Variants in AADAC observed in about 807,000 individuals in gnomAD.
AADAC encodes the protein arylacetamide deacetylase (esterase).
Under a neutral mutation model 22.7 loss-of-function variants are expected in AADAC, and 17 were observed. That is an observed-to-expected ratio of 0.75 (90% CI 0.51 to 1.12). AADAC has a LOEUF of 1.12. Ranked by LOEUF, AADAC falls within the 50% of genes most tolerant of loss-of-function variation. The pLI is 0.00. For missense variants in AADAC, 465 were observed against 473.9 expected (o/e 0.98, Z 0.17); for synonymous variants, 167 against 176.3 (o/e 0.95, Z 0.42).
At chr3:151,818,254 A>G (rs1436041373) in intron 2 of AADAC, among the ~76,000 whole-genome samples, 26 of 143,224 alleles carry the variant, frequency 1.8e-4, no homozygotes, top group Non-Finnish European at 3.1e-4. Flanking sequence ...AAAAAAAAAA[A>G]AGAAAAAAAT....
chr3:151,821,201 A>G (rs1716241547), intron 3 of AADAC, among the ~76,000 whole-genome samples: 1 of 152,024 alleles, frequency 6.6e-6, no homozygotes, highest in Admixed American at 6.6e-5. Flanking sequence ...AGTCCAGCGT[A>G]TATAGCACTT....
intron 4 of AADAC, among the ~76,000 whole-genome samples, chr3:151,827,207 A>C (rs1716534708): frequency 6.6e-6 from 1 of 151,976 alleles, no homozygotes; most frequent in African/African-American, 2.4e-5. Flanking sequence ...CCACCATACC[A>C]GGCCTATTTT....
rs1716143450 is a variant in AADAC, at chr3:151,819,533, A to G, written c.362-850A>G. Among the ~76,000 whole-genome samples the G allele has an allele frequency of 3.9e-5, 6 of 152,196 alleles. 1 individual carries two copies. The South Asian group carries it at 1.2e-3, about 32-fold the overall frequency. On this transcript the variant is annotated intron_variant, in intron 2 of 4. Transcript: ENST00000232892. ...TGAAATAAATAAGCAAGAAAATTAT[A>G]GATTGAAATGAGAGTTAAGTAGGAG...
chr3:151,824,978 G>A (rs1048410110), intron 4 of AADAC, 144 bp downstream of exon 4: 45 of 598,058 alleles, frequency 7.5e-5, no homozygotes, highest in Non-Finnish European at 1.1e-4. Context: ...AGAGAATATT[G>A]AGAAGAAATG....
chr3:151,816,320 T>C (rs764973745), intron 1 of AADAC, among the ~76,000 whole-genome samples: 1 of 152,098 alleles, frequency 6.6e-6, no homozygotes, highest in African/African-American at 2.4e-5. Context: ...CTTTTCTTAT[T>C]TGGTTAGCAA....
chr3:151,828,205 A>G lies in AADAC; in HGVS notation c.*33A>G, dbSNP rs1001657367. ...TGTAGCTATAACATATTTTAAAAAT[A>G]AAATCTGAAAACCTCAGAAAATTTG... On this transcript the variant is annotated 3_prime_UTR_variant, in exon 5 of 5. Coordinates refer to ENST00000232892, the MANE Select transcript of AADAC (RefSeq NM_001086.3). 12 of 1,333,840 alleles carry G rather than the reference A, an allele frequency of 9.0e-6. No individual in the cohort carries two copies. The highest frequency in any genetic ancestry group is 1.1e-5 in the Non-Finnish European group (11 of 1,006,394). 82.6% of individuals were successfully genotyped at this position (1,333,840 alleles called of 1,614,324 possible).
chr3:151,815,443 C>T (rs1396204251), intron 1 of AADAC, among the ~76,000 whole-genome samples: 3 of 151,988 alleles, frequency 2.0e-5, no homozygotes, highest in Non-Finnish European at 4.4e-5. Context: ...GAAGCCATAT[C>T]ATACAGTGCT....
intron 3 of AADAC, 68 bp downstream of exon 3, chr3:151,820,520 T>TC (rs1716201985): frequency 2.0e-6 from 2 of 993,994 alleles, no homozygotes; most frequent in East Asian, 6.4e-5. Flanking sequence ...AGCTTTCTTT[T>TC]TTTTTTTTTT....
chr3:151,828,335 T>TGGCC lies in AADAC; in HGVS notation c.*163_*164insGGCC. The TGGCC allele has an allele frequency of 2.4e-6, 1 of 417,270 alleles. No homozygotes were observed. The highest frequency in any genetic ancestry group is 4.1e-5 in the Admixed American group (1 of 24,204). 25.8% of individuals were successfully genotyped at this position (417,270 alleles called of 1,614,324 possible). On this transcript the variant is annotated 3_prime_UTR_variant, in exon 5 of 5. Coordinates refer to ENST00000232892, the MANE Select transcript of AADAC (RefSeq NM_001086.3). ...TTTTTTTTCTTACTGTGGGATTTCA[T>TGGCC]TTCAATTTTCTACATTGTCTATCTG...
At position 151,827,497 on chromosome 3, in the gene AADAC, T is replaced by C. The variant is rs554066753; in HGVS notation, c.604-79T>C. On this transcript the variant is annotated intron_variant, in intron 4 of 4. Transcript: ENST00000232892. ...GATAGATAGATAAAAACAAGATAGATAGACAGATAGATAATCTTATTAGGG... is the reference window on the plus strand; with the variant it reads ...GATAGATAGATAAAAACAAGATAGACAGACAGATAGATAATCTTATTAGGG... The C allele has an allele frequency of 1.9e-5, 17 of 896,338 alleles. No homozygotes were observed. The East Asian group carries it at 2.5e-4, about 13-fold the overall frequency. The allele number at this position is 896,338 out of a possible 1,614,324, so 55.5% of individuals were successfully genotyped here. A position where few individuals can be genotyped will look rare whatever the true frequency, so the allele number is the denominator to read the frequency against.
At chr3:151,822,100 G>A in intron 3 of AADAC, among the ~76,000 whole-genome samples, 1 of 151,820 alleles carries the variant, frequency 6.6e-6, no homozygotes, top group Non-Finnish European at 1.5e-5. Context: ...AGTCATTAGA[G>A]AAATGCAAAT....
At chr3:151,820,252 G>A in intron 2 of AADAC, 131 bp from the exon 3 acceptor site, 1 of 508,310 alleles carries the variant, frequency 2.0e-6, no homozygotes, top group Non-Finnish European at 3.4e-6. Context: ...TGTTAAATTT[G>A]TCTCTCGTAT....
intron 2 of AADAC, among the ~76,000 whole-genome samples, chr3:151,819,357 T>C (rs1716136470): frequency 6.6e-6 from 1 of 152,004 alleles, no homozygotes; most frequent in South Asian, 2.1e-4. Flanking sequence ...GTATGTCTCT[T>C]GGATGTTGAA....
At chr3:151,824,952 T>C in intron 4 of AADAC, 118 bp downstream of exon 4, 8 of 659,358 alleles carry the variant, frequency 1.2e-5, no homozygotes, top group Middle Eastern at 2.8e-4. Context: ...AGATATTGAT[T>C]TTTTGAAACT....
In AADAC at chr3:151,827,726, G is replaced by T. The variant is rs144460478; in HGVS notation, c.754G>T (p.Glu252Ter). Residue 252 changes from glutamate to a stop codon, truncating the protein, a stop_gained, in exon 5 of 5, where the codon GAA (glutamate) becomes TAA (stop). Transcript: ENST00000232892. LOFTEE classifies it low-confidence loss of function (END_TRUNC). ...SKSLMVRFWS[E>*]YFTTDRSLEK... is the part of the protein sequence containing the mutation. ...ATCACTCATGGTCAGATTCTGGAGTGAATATTTTACCACTGATAGATCACT... is the reference window on the plus strand; with the variant it reads ...ATCACTCATGGTCAGATTCTGGAGTTAATATTTTACCACTGATAGATCACT... 6.2e-7 allele frequency: 1 copy of T among 1,613,092 alleles called. No homozygotes were observed. The highest frequency in any genetic ancestry group is 1.7e-5 in the Admixed American group (1 of 59,874).
At chr3:151,815,921 T>C (rs183088823) in intron 1 of AADAC, among the ~76,000 whole-genome samples, 18 of 152,128 alleles carry the variant, frequency 1.2e-4, no homozygotes, top group Admixed American at 2.6e-4. Flanking sequence ...AAGGATTATG[T>C]TATGAACATT....
At position 151,815,662 on chromosome 3, in the gene AADAC, A is replaced by C. The variant is rs537218381; in HGVS notation, c.138+1362A>C. Among the ~76,000 whole-genome samples the C allele has an allele frequency of 5.3e-5, 8 of 151,904 alleles. 1 individual carries two copies. The South Asian group carries it at 1.7e-3, about 32-fold the overall frequency. On this transcript the variant is annotated intron_variant, in intron 1 of 4. Transcript: ENST00000232892. ...TATATTCTTCTCTGGTAGCCTTTTA[A>C]TTAATTAATTCATTCATTTACTTAC...
chr3:151,825,217 A>G (rs558583328), intron 4 of AADAC, among the ~76,000 whole-genome samples: 6 of 151,656 alleles, frequency 4.0e-5, no homozygotes, highest in South Asian at 2.1e-4. Flanking sequence ...ACAAAAAAAA[A>G]AAAAGAAAAA....
Position 151,817,485 on chromosome 3 carries a change from C to T in AADAC, c.258C>T (p.Phe86=), listed in dbSNP as rs370635119. ...ATGTCACTGTGACTGAGACAAAATT[C>T]AACAACATTCTTGTTCGGGTATATG... ...DENVTVTETK[F]NNILVRVYVP... Residue 86 remains phenylalanine, a synonymous_variant, in exon 2 of 5, where the codon TTC becomes TTT. Transcript: ENST00000232892. 2.6e-5 allele frequency: 42 copies of T among 1,613,666 alleles called. No individual in the cohort carries two copies. The highest frequency in any genetic ancestry group is 3.3e-4 in the Middle Eastern group (2 of 6,084).
Sources: allele counts gnomAD v4.1 joint callset (sites outside exome capture counted in the v4.1 genomes callset), GRCh38; gene constraint gnomAD v4.1.1; transcripts MANE v1.5; gene names NCBI Gene and HGNC (gene_info 2026-07-23, HGNC 2026-07-21).